TCAIM: variants seen among roughly 807,000 people sequenced by gnomAD.
TCAIM encodes T-cell activation inhibitor, mitochondrial.
Under a neutral mutation model 58.6 loss-of-function variants are expected in TCAIM, and 36 were observed. The observed-to-expected ratio is 0.61, with a 90% CI of 0.47 to 0.81. The LOEUF (loss-of-function observed/expected upper bound fraction) is 0.81, where lower values mean the gene tolerates loss of function less well. TCAIM is among the 30% of genes least tolerant of loss of function. TCAIM has a pLI of 0.00. For synonymous variants in TCAIM, 172 were observed against 193.6 expected (o/e 0.89, Z 0.93); for missense variants, 466 against 579.6 (o/e 0.80, Z 2.01).
chr3:44,403,476 A>G (rs1446593160), intron 10 of TCAIM, among the ~76,000 whole-genome samples: 1 of 152,192 alleles, frequency 6.6e-6, no homozygotes, highest in Non-Finnish European at 1.5e-5. Flanking sequence ...GTATTTGTTC[A>G]TGCTATTTCT....
At chr3:44,389,511 A>G (rs1274759562) in intron 5 of TCAIM, among the ~76,000 whole-genome samples, 2 of 152,218 alleles carry the variant, frequency 1.3e-5, no homozygotes, top group Non-Finnish European at 2.9e-5. Flanking sequence ...TTGATAATTC[A>G]TATGTCAATA....
intron 1 of TCAIM, among the ~76,000 whole-genome samples, chr3:44,342,150 T>A (rs984818521): frequency 6.6e-6 from 1 of 152,228 alleles, no homozygotes; most frequent in Non-Finnish European, 1.5e-5. Flanking sequence ...AATAAAATAT[T>A]CACTAATTTC....
At chr3:44,345,532 C>T (rs966965991) in intron 1 of TCAIM, among the ~76,000 whole-genome samples, 9 of 150,966 alleles carry the variant, frequency 6.0e-5, no homozygotes, top group African/African-American at 2.2e-4. Context: ...ACAGAGTCCC[C>T]TTTTTTTTTA....
At chr3:44,372,009 AGAAG>A (rs568035350) in intron 5 of TCAIM, among the ~76,000 whole-genome samples, 21,805 of 115,212 alleles carry the variant, frequency 0.19, 2,303 homozygotes, top group East Asian at 0.21. Flanking sequence ...AGAGAAAGAG[AGAAG>A]GAAGGAAGGA....
intron 5 of TCAIM, among the ~76,000 whole-genome samples, chr3:44,378,150 G>A (rs540867716): frequency 2.8e-4 from 42 of 152,210 alleles, no homozygotes; most frequent in African/African-American, 1.0e-3. Context: ...GGAGGCTGAG[G>A]TGGGTGGATC....
At position 44,361,467 on chromosome 3, in the gene TCAIM, A is replaced by C; in HGVS notation, c.268A>C (p.Arg90=). The C allele has an allele frequency of 6.2e-7, 1 of 1,611,956 alleles. No individual in the cohort carries two copies. The highest frequency in any genetic ancestry group is 8.5e-7 in the Non-Finnish European group (1 of 1,179,184). ...LKPTQLTFYV[R]ETDQSSSDGQ... is the part of the protein sequence containing the mutation. ...ACCAACTCAGCTTACATTTTATGTAAGAGAAACAGACCAGAGTTCCTCCGA... is the reference window on the plus strand; with the variant it reads ...ACCAACTCAGCTTACATTTTATGTACGAGAAACAGACCAGAGTTCCTCCGA... Residue 90 remains arginine (R), a synonymous_variant, in exon 4 of 11, where the codon AGA becomes CGA. Transcript: ENST00000342649.
At chr3:44,356,797 C>G (rs1701200790) in intron 2 of TCAIM, among the ~76,000 whole-genome samples, 1 of 143,042 alleles carries the variant, frequency 7.0e-6, no homozygotes, top group East Asian at 2.1e-4. Context: ...GAGACCCTGT[C>G]TCTACTAAAA....
At chr3:44,369,865 A>G (rs1330593411) in intron 5 of TCAIM, among the ~76,000 whole-genome samples, 1 of 152,226 alleles carries the variant, frequency 6.6e-6, no homozygotes. Flanking sequence ...GATGTGCTAG[A>G]GGCTCAGTTT....
At chr3:44,338,682 C>A (rs1559554329), upstream of TCAIM, 1 of 152,406 alleles carries the variant, frequency 6.6e-6, no homozygotes, top group African/African-American at 2.4e-5. Flanking sequence ...AGCGCCTGGC[C>A]GTGCGTCGCG....
chr3:44,395,634 T>C (rs1318409318), intron 6 of TCAIM, among the ~76,000 whole-genome samples: 1 of 152,198 alleles, frequency 6.6e-6, no homozygotes, highest in East Asian at 1.9e-4. Context: ...TAATATTAAT[T>C]TATAAAATGA....
chr3:44,369,926 C>T (rs963507601), intron 5 of TCAIM, among the ~76,000 whole-genome samples: 7 of 152,210 alleles, frequency 4.6e-5, no homozygotes, highest in Middle Eastern at 3.4e-3. Flanking sequence ...CATAGCGTAG[C>T]AATAGAAGTC....
intron 8 of TCAIM, among the ~76,000 whole-genome samples, chr3:44,397,092 G>A (rs1701947481): frequency 2.0e-5 from 3 of 152,110 alleles, no homozygotes; most frequent in Non-Finnish European, 4.4e-5. Flanking sequence ...CAGCCTGAAA[G>A]CCTATATTCT....
intron 5 of TCAIM, among the ~76,000 whole-genome samples, chr3:44,384,969 A>C (rs1380897727): frequency 6.6e-6 from 1 of 152,224 alleles, no homozygotes; most frequent in Non-Finnish European, 1.5e-5. Flanking sequence ...TTTTTGAAAG[A>C]TAGAAAGCAG....
intron 5 of TCAIM, among the ~76,000 whole-genome samples, chr3:44,383,653 T>C (rs1055802361): frequency 6.6e-6 from 1 of 151,960 alleles, no homozygotes; most frequent in Non-Finnish European, 1.5e-5. Context: ...GTTAATGTAC[T>C]TAATACCACT....
At chr3:44,338,160 C>T (rs1700755621), upstream of TCAIM, 1 of 152,658 alleles carries the variant, frequency 6.6e-6, no homozygotes, top group Non-Finnish European at 1.5e-5. Context: ...CAAGATCCAG[C>T]GCGTGCTCGG....
In TCAIM at chr3:44,387,061, A is replaced by AC. The variant is rs1701755022; in HGVS notation, c.573-5790dup. ...AATCCTCCTTTCTGAGCACATAAAA[A>AC]CCCCAAACTCAGCCAGACTCATGCT... On this transcript the variant is annotated intron_variant, in intron 5 of 10. Coordinates refer to ENST00000342649, the MANE Select transcript of TCAIM (RefSeq NM_173826.4). Among the ~76,000 whole-genome samples the AC allele has an allele frequency of 2.0e-5, 3 of 151,954 alleles. No individual in the cohort carries two copies. The South Asian group carries it at 6.2e-4, about 32-fold the overall frequency.
At chr3:44,366,464 T>G (rs1253756595) in intron 4 of TCAIM, among the ~76,000 whole-genome samples, 13 of 33,992 alleles carry the variant, frequency 3.8e-4, no homozygotes, top group Admixed American at 7.2e-4. Context: ...ATTTTTGTTG[T>G]TTTTTTTTTT....
At chr3:44,405,746 A>G (rs914037287) in intron 10 of TCAIM, among the ~76,000 whole-genome samples, 1 of 151,892 alleles carries the variant, frequency 6.6e-6, no homozygotes, top group African/African-American at 2.4e-5. Context: ...ACCTAAGGTC[A>G]GTAGTTGAAG....
intron 10 of TCAIM, among the ~76,000 whole-genome samples, chr3:44,402,363 T>C (rs918629507): frequency 2.0e-5 from 3 of 152,190 alleles, no homozygotes; most frequent in Non-Finnish European, 2.9e-5. Flanking sequence ...TGAGCTGTGA[T>C]CACACCTCTG....
Sources: allele counts gnomAD v4.1 joint callset (sites outside exome capture counted in the v4.1 genomes callset), GRCh38; gene constraint gnomAD v4.1.1; transcripts MANE v1.5; gene names NCBI Gene and HGNC (gene_info 2026-07-23, HGNC 2026-07-21).